The following SLC39A11 variants were observed in gnomAD, a reference collection of about 807,000 sequenced individuals.
SLC39A11 encodes solute carrier family 39 member 11.
A neutral mutation model predicts 36.1 loss-of-function variants in SLC39A11; 33 were observed. That is an observed-to-expected ratio of 0.91 (90% CI 0.69 to 1.22). The LOEUF (loss-of-function observed/expected upper bound fraction) is 1.22, where lower values mean the gene tolerates loss of function less well. Ranked by LOEUF, SLC39A11 falls within the 50% of genes most tolerant of loss-of-function variation. The probability of loss-of-function intolerance (pLI) is 0.00; values close to 1 mark genes in which losing one functional copy is unlikely to be tolerated. For synonymous variants in SLC39A11, 166 were observed against 170.3 expected (o/e 0.97, Z 0.20); for missense variants, 432 against 430.3 (o/e 1.00, Z -0.03).
intron 4 of SLC39A11, among the ~76,000 whole-genome samples, chr17:72,952,590 G>C (rs1568011387): frequency 6.6e-6 from 1 of 152,170 alleles, no homozygotes; most frequent in Admixed American, 6.6e-5. Context: ...CCGTGCATGA[G>C]GAACCAAGGC....
At chr17:72,753,154 T>G (rs1033362138) in intron 6 of SLC39A11, among the ~76,000 whole-genome samples, 4 of 152,192 alleles carry the variant, frequency 2.6e-5, no homozygotes, top group Non-Finnish European at 5.9e-5. Context: ...CACTGCTTGT[T>G]TTCAGAGTTT....
intron 5 of SLC39A11, 141 bp downstream of exon 5, chr17:72,947,611 G>C (rs1474971070): frequency 5.6e-6 from 7 of 1,239,932 alleles, no homozygotes; most frequent in Non-Finnish European, 8.1e-6. Context: ...CCATGCAGTA[G>C]TAGGGTGAGT....
chr17:72,879,199 C>T (rs1208267641), intron 5 of SLC39A11, among the ~76,000 whole-genome samples: 1 of 152,128 alleles, frequency 6.6e-6, no homozygotes, highest in Admixed American at 6.5e-5. Flanking sequence ...TTTATGGAGG[C>T]GTCATGATTT....
chr17:72,658,501 C>T (rs2070250937), intron 7 of SLC39A11, among the ~76,000 whole-genome samples: 1 of 152,220 alleles, frequency 6.6e-6, no homozygotes, highest in African/African-American at 2.4e-5. Context: ...TGTTTCGCCC[C>T]AGGGGCTGAC....
intron 6 of SLC39A11, among the ~76,000 whole-genome samples, chr17:72,763,967 A>G (rs930092021): frequency 1.3e-5 from 2 of 151,968 alleles, no homozygotes; most frequent in Non-Finnish European, 2.9e-5. Context: ...CTTTGCATCT[A>G]TGGCTTCCAC....
At chr17:72,803,027 C>A (rs1355169059) in intron 6 of SLC39A11, among the ~76,000 whole-genome samples, 1 of 152,222 alleles carries the variant, frequency 6.6e-6, no homozygotes, top group Admixed American at 6.5e-5. Context: ...TTAAACCCAC[C>A]GTCCTTTCTA....
intron 4 of SLC39A11, among the ~76,000 whole-genome samples, chr17:72,949,144 CTTTTTTTTTTTTTTTT>C (rs56036208): frequency 8.2e-5 from 3 of 36,508 alleles, no homozygotes; most frequent in East Asian, 1.2e-3. Context: ...CACTGGGCAG[CTTTTTTTTTTTTTTTT>C]TTTTTTTTTT....
intron 6 of SLC39A11, among the ~76,000 whole-genome samples, chr17:72,756,541 G>A (rs893102820): frequency 3.3e-5 from 5 of 152,206 alleles, no homozygotes; most frequent in African/African-American, 7.2e-5. Flanking sequence ...ACAAAAAGAC[G>A]AATACTATAT....
Position 73,004,164 on chromosome 17 carries a change from AAAG to A in SLC39A11, c.306+27389_306+27391del, listed in dbSNP as rs2090000925. Reference sequence around the variant, plus strand: ...GGAAGAAAGAAAGAAAGAAGGAAAAAAAGAAAGAAAGAAAGAAAGAAAGAAAGA... The same window carrying A: ...GGAAGAAAGAAAGAAAGAAGGAAAAAAAAGAAAGAAAGAAAGAAAGAAAGA... On this transcript the variant is annotated intron_variant, in intron 4 of 9. Transcript: ENST00000255559. Among the ~76,000 whole-genome samples the A allele has an allele frequency of 2.7e-4, 11 of 40,364 alleles. No individual in the cohort carries two copies. The East Asian group carries it at 3.5e-3, about 13-fold the overall frequency. The allele number at this position is 40,364 out of a possible 152,430, so 26.5% of individuals were successfully genotyped here.
chr17:72,852,018 C>T (rs111272065), intron 5 of SLC39A11, among the ~76,000 whole-genome samples: 1,810 of 151,536 alleles, frequency 0.012, 28 homozygotes, highest in African/African-American at 0.036. Context: ...CTGGCTAACA[C>T]GGTGAAACCC....
At chr17:73,079,766 C>G (rs2060453979) in intron 3 of SLC39A11, among the ~76,000 whole-genome samples, 1 of 152,130 alleles carries the variant, frequency 6.6e-6, no homozygotes, top group African/African-American at 2.4e-5. Context: ...ATCCAAAAAC[C>G]TCCTAGAACT....
At chr17:72,890,066 C>T (rs1306159380) in intron 5 of SLC39A11, among the ~76,000 whole-genome samples, 4 of 151,890 alleles carry the variant, frequency 2.6e-5, no homozygotes, top group Non-Finnish European at 5.9e-5. Flanking sequence ...TCAAAACCAG[C>T]CTGGCCAACA....
Position 72,648,949 on chromosome 17 carries a change from C to T in SLC39A11, c.783G>A (p.Leu261=), listed in dbSNP as rs779393360. ...CGGCCAGGGGCTCCACCATGCCGCT[C>T]AGCTGCCCATACCTAAGGAGAGAAC... ...STWRAFWYGQ[L]SGMVEPLAGV... is the part of the protein sequence containing the mutation. The change falls in exon 9 of 10, where the codon CTG becomes CTA. Residue 261 remains leucine, a synonymous_variant. Transcript: ENST00000255559. 6 of 1,612,644 alleles carry T rather than the reference C, an allele frequency of 3.7e-6. No homozygotes were observed. Among genetic ancestry groups the T allele is most frequent in the African/African-American group, 1.3e-5 (1 of 75,004 alleles).
At chr17:72,770,278 G>A (rs2075889073) in intron 6 of SLC39A11, among the ~76,000 whole-genome samples, 1 of 152,194 alleles carries the variant, frequency 6.6e-6, no homozygotes, top group Non-Finnish European at 1.5e-5. Flanking sequence ...AATTCATAGA[G>A]GCAGAAAGTA....
chr17:73,009,499 T>C (rs1414205639), intron 4 of SLC39A11, among the ~76,000 whole-genome samples: 7 of 151,660 alleles, frequency 4.6e-5, no homozygotes, highest in Non-Finnish European at 1.0e-4. Flanking sequence ...ATGTCCAGAA[T>C]GGGTAAATCC....
intron 3 of SLC39A11, among the ~76,000 whole-genome samples, chr17:73,072,745 G>A (rs753335752): frequency 2.0e-5 from 3 of 152,206 alleles, no homozygotes; most frequent in Non-Finnish European, 4.4e-5. Flanking sequence ...TTGGGGGCTG[G>A]GAGTGCCAGG....
At chr17:72,941,893 T>TTTATTTAC (rs1475256809) in intron 5 of SLC39A11, among the ~76,000 whole-genome samples, 6 of 150,596 alleles carry the variant, frequency 4.0e-5, no homozygotes, top group Non-Finnish European at 7.4e-5. Flanking sequence ...TATTTATTTA[T>TTTATTTAC]TTACTGAGAC....
chr17:72,805,003 A>G (rs1178204101), intron 6 of SLC39A11, among the ~76,000 whole-genome samples: 1 of 152,118 alleles, frequency 6.6e-6, no homozygotes, highest in East Asian at 1.9e-4. Context: ...TGACAGAGCA[A>G]GACTCCATCT....
intron 5 of SLC39A11, among the ~76,000 whole-genome samples, chr17:72,892,913 C>T (rs1320908478): frequency 5.3e-5 from 8 of 152,058 alleles, no homozygotes; most frequent in Non-Finnish European, 1.2e-4. Context: ...TCACTCATTG[C>T]CAGCATCCAT....
Sources: gnomAD v4.1 joint callset for allele counts (sites outside exome capture counted in the v4.1 genomes callset) on GRCh38, gnomAD v4.1.1 for gene constraint, MANE v1.5 for transcripts, NCBI Gene and HGNC (gene_info 2026-07-23, HGNC 2026-07-21) for gene names.